Variants in ACTN2 observed in about 807,000 individuals in gnomAD.
ACTN2 encodes the protein alpha-actinin-2.
In ACTN2, 39 loss-of-function variants were observed where a neutral mutation model predicts 113.8. The observed-to-expected ratio is 0.34, with a 90% confidence interval of 0.27 to 0.45. The LOEUF (loss-of-function observed/expected upper bound fraction) is 0.45, where lower values mean the gene tolerates loss of function less well. ACTN2 is among the 20% of genes least tolerant of loss of function. The pLI, the probability that ACTN2 is intolerant of heterozygous loss-of-function variation, is 1.00. For synonymous variants in ACTN2, 429 were observed against 444.1 expected, an observed-to-expected ratio of 0.97 and a Z score of 0.43; for missense variants, 992 against 1,177.9, an observed-to-expected ratio of 0.84 and a Z score of 2.31.
chr1:236,741,083 C>T (rs1431024416), intron 10 of ACTN2, among the ~76,000 whole-genome samples: 1 of 151,720 alleles, frequency 6.6e-6, no homozygotes, highest in African/African-American at 2.4e-5. Context: ...CATGCTCTGT[C>T]ACCCAGATTG....
intron 4 of ACTN2, among the ~76,000 whole-genome samples, chr1:236,724,561 T>G (rs1430664312): frequency 1.3e-5 from 2 of 152,206 alleles, no homozygotes; most frequent in Non-Finnish European, 2.9e-5. Context: ...GCAGTGCAGT[T>G]CTGAGGTTAA....
chr1:236,739,318 G>A lies in ACTN2; in HGVS notation c.893G>A (p.Arg298His), dbSNP rs142482143. 714 of 1,613,850 alleles carry A rather than the reference G, an allele frequency of 4.4e-4. 3 individuals are homozygous for A. Among genetic ancestry groups the A allele is most frequent in the Non-Finnish European group, 5.5e-4 (651 of 1,179,980 alleles). The part of the protein sequence containing the change: ...RLASELLEWI[R>H]RTIPWLENRT... ...GCGGAGCAGCTTTTGGAATGGATTC[G>A]TCGCACGATCCCCTGGCTGGAGAAC... Residue 298 changes from arginine to histidine, a missense_variant, in exon 10 of 21, where the codon CGT (arginine) becomes CAT (histidine). Arg to His is a conservative substitution (Grantham distance 29). This residue lies in a region of ACTN2 where 736 missense variants were observed against 815.4 expected (regional missense o/e 0.90). Coordinates refer to ENST00000366578, the MANE Select transcript of ACTN2 (RefSeq NM_001103.4).
intron 1 of ACTN2, among the ~76,000 whole-genome samples, chr1:236,707,718 T>G (rs972724127): frequency 7.3e-6 from 1 of 136,528 alleles, no homozygotes; most frequent in African/African-American, 2.8e-5. Flanking sequence ...TCTTTTTTTT[T>G]TTTTTTTTTT....
In ACTN2 at chr1:236,742,879, G is replaced by T; in HGVS notation, c.1108-17G>T. 2 of 1,614,156 alleles carry T rather than the reference G, an allele frequency of 1.2e-6. No individual in the cohort carries two copies. Among genetic ancestry groups the T allele is most frequent in the Non-Finnish European group, 1.7e-6 (2 of 1,180,028 alleles). On this transcript the variant is annotated splice_polypyrimidine_tract_variant and intron_variant, in intron 10 of 20. Transcript: ENST00000366578. ...GCTTGTTACACATTTGCTTCCCTTG[G>T]CTTCCAACCATCCCAGGATATTGCT... is the stretch of plus-strand genomic sequence containing the variant.
intron 1 of ACTN2, among the ~76,000 whole-genome samples, chr1:236,690,066 T>G (rs1334445778): frequency 1.3e-5 from 2 of 152,234 alleles, no homozygotes; most frequent in Non-Finnish European, 1.5e-5. Context: ...TCTGATTGTT[T>G]TTAATAGTCC....
intron 11 of ACTN2, among the ~76,000 whole-genome samples, chr1:236,743,287 C>A (rs1269946002): frequency 6.6e-6 from 1 of 152,174 alleles, no homozygotes; most frequent in Non-Finnish European, 1.5e-5. Flanking sequence ...TCTTTACATA[C>A]CTACCTACAT....
chr1:236,747,976 C>T (rs1163532597), intron 13 of ACTN2: 12 of 558,468 alleles, frequency 2.1e-5, no homozygotes, highest in East Asian at 6.3e-5. Flanking sequence ...CAGACAGCAG[C>T]GAAGTATATT....
In ACTN2 at chr1:236,704,943, C is replaced by G. The variant is rs1173602153; in HGVS notation, c.127-12915C>G. Among the ~76,000 whole-genome samples the G allele has an allele frequency of 3.3e-5, 5 of 152,200 alleles. No homozygotes were observed. In the South Asian group the frequency reaches 8.3e-4, roughly 25 times the overall value. Reference sequence around the variant, plus strand: ...GACTCTTCTTAGCCTGTCTGTGCAGCCTTCGTTTCTCCCAGGTTTGTGGCA... The same window carrying G: ...GACTCTTCTTAGCCTGTCTGTGCAGGCTTCGTTTCTCCCAGGTTTGTGGCA... On this transcript the variant is annotated intron_variant, in intron 1 of 20. Coordinates refer to ENST00000366578, the MANE Select transcript of ACTN2 (RefSeq NM_001103.4).
chr1:236,731,662 C>A (rs1167577623), intron 7 of ACTN2, among the ~76,000 whole-genome samples: 1 of 152,204 alleles, frequency 6.6e-6, no homozygotes, highest in Non-Finnish European at 1.5e-5. Context: ...TTCTCCCTAA[C>A]CACTTAGAGA....
intron 10 of ACTN2, 91 bp downstream of exon 10, chr1:236,739,623 C>A (rs530265695): frequency 7.1e-7 from 1 of 1,410,146 alleles, no homozygotes; most frequent in Non-Finnish European, 9.8e-7. Flanking sequence ...GAGGCATTGA[C>A]TTCTTGAATC....
chr1:236,719,143 C>G (rs1658308602), intron 3 of ACTN2, 130 bp downstream of exon 3: 4 of 1,292,280 alleles, frequency 3.1e-6, no homozygotes, highest in Non-Finnish European at 4.4e-6. Flanking sequence ...CAGGCTCTCT[C>G]TTAGGGCGCT....
chr1:236,688,641 A>G (rs1048148716), intron 1 of ACTN2, among the ~76,000 whole-genome samples: 1 of 152,064 alleles, frequency 6.6e-6, no homozygotes, highest in African/African-American at 2.4e-5. Context: ...TAAGGTGAGA[A>G]TTTTTTTTAA....
At chr1:236,734,770 GTCTCTGC>G (rs1658816815) in intron 7 of ACTN2, among the ~76,000 whole-genome samples, 1 of 152,148 alleles carries the variant, frequency 6.6e-6, no homozygotes, top group African/African-American at 2.4e-5. Flanking sequence ...TCTGTTCATA[GTCTCTGC>G]AAACCCAATG....
intron 18 of ACTN2, among the ~76,000 whole-genome samples, chr1:236,758,923 G>A (rs1044896840): frequency 6.6e-6 from 1 of 152,234 alleles, no homozygotes; most frequent in African/African-American, 2.4e-5. Context: ...GACTAGCTAC[G>A]TTCCAATTCT....
At position 236,744,762 on chromosome 1, in the gene ACTN2, C is replaced by T. The variant is rs764086805; in HGVS notation, c.1392C>T (p.Ile464=). The change falls in exon 12 of 21, where the codon ATC becomes ATT. Residue 464 remains isoleucine (I), a synonymous_variant. Coordinates refer to ENST00000366578, the MANE Select transcript of ACTN2 (RefSeq NM_001103.4). Reference sequence around the variant, plus strand: ...ACCGCGTGGAGCAGATCGCAGCCATCGCGCAGGAGCTCAAGTATGTGCAGA... The same window carrying T: ...ACCGCGTGGAGCAGATCGCAGCCATTGCGCAGGAGCTCAAGTATGTGCAGA... ...HQDRVEQIAA[I]AQELNELDYH... 3.7e-6 allele frequency: 6 copies of T among 1,613,990 alleles called. No homozygotes were observed. Among genetic ancestry groups the T allele is most frequent in the East Asian group, 2.2e-5 (1 of 44,876 alleles).
chr1:236,713,672 T>C (rs75726394), intron 1 of ACTN2, among the ~76,000 whole-genome samples: 20 of 137,988 alleles, frequency 1.4e-4, no homozygotes, highest in South Asian at 2.6e-4. Flanking sequence ...TGTGTGTTTA[T>C]GTATACACAG....
In ACTN2 at chr1:236,718,818, C is replaced by T. The variant is rs1010951667; in HGVS notation, c.242-76C>T. The T allele has an allele frequency of 6.7e-5, 107 of 1,602,526 alleles. No individual in the cohort carries two copies. In the Middle Eastern group the frequency reaches 8.3e-4, roughly 12 times the overall value. On this transcript the variant is annotated intron_variant, in intron 2 of 20. Coordinates refer to ENST00000366578, the MANE Select transcript of ACTN2 (RefSeq NM_001103.4). ...TCTCTTTTTAAGGAAAAGATGGATG[C>T]TTAGTTTTGGCATCTTGATTCCGCA...
chr1:236,757,296 T>C (rs1174713769), intron 17 of ACTN2, among the ~76,000 whole-genome samples, 190 bp from the exon 18 acceptor site: 1 of 152,176 alleles, frequency 6.6e-6, no homozygotes, highest in Non-Finnish European at 1.5e-5. Context: ...TGGTGGGTGC[T>C]TGTGAGTACT....
intron 1 of ACTN2, among the ~76,000 whole-genome samples, chr1:236,706,428 A>G (rs558288620): frequency 6.6e-6 from 1 of 152,194 alleles, no homozygotes; most frequent in East Asian, 1.9e-4. Context: ...AGAATGTTCA[A>G]ATGGTGGTGG....
Sources: gnomAD v4.1 joint callset for allele counts (sites outside exome capture counted in the v4.1 genomes callset) on GRCh38, gnomAD v4.1.1 for gene constraint, gnomAD v4.1.1 regional missense constraint, MANE v1.5 for transcripts, NCBI Gene and HGNC (gene_info 2026-07-23, HGNC 2026-07-21) for gene names.